Variants in INPP4B observed in about 807,000 individuals in gnomAD.
The protein encoded by INPP4B is inositol polyphosphate 4-phosphatase type II.
In INPP4B, 55 loss-of-function variants were observed where a neutral mutation model predicts 122.5. The ratio of observed to expected loss-of-function variants is 0.45; its 90% confidence interval spans 0.36 to 0.56. The LOEUF (loss-of-function observed/expected upper bound fraction) is 0.56, where lower values mean the gene tolerates loss of function less well. Ranked by LOEUF, INPP4B falls within the 20% of genes least tolerant of loss-of-function variation. INPP4B has a pLI of 0.00. For synonymous variants in INPP4B, 403 were observed against 388.7 expected, an observed-to-expected ratio of 1.04 and a Z score of -0.43; for missense variants, 1,000 against 1,097.7, an observed-to-expected ratio of 0.91 and a Z score of 1.26.
At chr4:142,447,912 C>G (rs1813256819) in intron 3 of INPP4B, among the ~76,000 whole-genome samples, 1 of 151,856 alleles carries the variant, frequency 6.6e-6, no homozygotes, top group African/African-American at 2.4e-5. Context: ...GACAAAGAAA[C>G]AAAGAAAACA....
chr4:142,627,259 A>C (rs1219474190), intron 2 of INPP4B, among the ~76,000 whole-genome samples: 3 of 151,480 alleles, frequency 2.0e-5, no homozygotes, highest in African/African-American at 7.3e-5. Context: ...TCTCCTGCCT[A>C]ATTGCCCTGG....
At chr4:142,644,900 C>G (rs1329689666) in intron 2 of INPP4B, among the ~76,000 whole-genome samples, 1 of 112,340 alleles carries the variant, frequency 8.9e-6, no homozygotes, top group Non-Finnish European at 1.8e-5. Context: ...AGCAAGACTC[C>G]ATCTCAAAAA....
At chr4:142,735,448 G>A (rs1766717573) in intron 1 of INPP4B, among the ~76,000 whole-genome samples, 1 of 151,938 alleles carries the variant, frequency 6.6e-6, no homozygotes, top group Non-Finnish European at 1.5e-5. Flanking sequence ...CAGAAACCAG[G>A]CATTGTTCTA....
At chr4:142,730,793 A>G (rs1409273504) in intron 1 of INPP4B, among the ~76,000 whole-genome samples, 1 of 152,134 alleles carries the variant, frequency 6.6e-6, no homozygotes, top group Non-Finnish European at 1.5e-5. Flanking sequence ...AAACTCAATG[A>G]TCAGCATATA....
In INPP4B at chr4:142,759,726, C is replaced by T. The variant is rs116404043; in HGVS notation, c.-253-33825G>A. Reference sequence around the variant, plus strand: ...TGAATCAATAAATGAATGGAGCAAACATACTATGCCACAAAGAAGTTAAGT... The same window carrying T: ...TGAATCAATAAATGAATGGAGCAAATATACTATGCCACAAAGAAGTTAAGT... On this transcript the variant is annotated intron_variant, in intron 1 of 25. Coordinates refer to ENST00000262992, the MANE Select transcript of INPP4B (RefSeq NM_001101669.3). Among the ~76,000 whole-genome samples the T allele has an allele frequency of 8.8e-3, 1,262 of 143,058 alleles. 24 individuals are homozygous for T. The highest frequency in any genetic ancestry group is 0.031 in the African/African-American group (1,200 of 38,588). The allele number at this position is 143,058 out of a possible 152,430, so 93.9% of individuals were successfully genotyped here.
chr4:142,545,789 ATG>A lies in INPP4B; in HGVS notation c.-190-83065_-190-83064del, dbSNP rs1422608533. Among the ~76,000 whole-genome samples, 48 of 105,656 alleles carry A rather than the reference ATG, an allele frequency of 4.5e-4. 1 individual carries two copies. Among genetic ancestry groups the A allele is most frequent in the Admixed American group, 1.3e-3 (11 of 8,324 alleles). 69.3% of individuals were successfully genotyped at this position (105,656 alleles called of 152,430 possible). A position where few individuals can be genotyped will look rare whatever the true frequency, so the allele number is the denominator to read the frequency against. ...TGTGTGTATATATATACACATATAT[ATG>A]TGTGTATATATATACACATATACAT... On this transcript the variant is annotated intron_variant, in intron 2 of 25. Coordinates refer to ENST00000262992, the MANE Select transcript of INPP4B (RefSeq NM_001101669.3).
chr4:142,619,382 C>T (rs531332642), intron 2 of INPP4B, among the ~76,000 whole-genome samples: 3 of 152,054 alleles, frequency 2.0e-5, no homozygotes, highest in Non-Finnish European at 2.9e-5. Flanking sequence ...ATGGTATATA[C>T]ATACAATGGA....
intron 25 of INPP4B, among the ~76,000 whole-genome samples, chr4:142,058,025 C>T (rs1235522919): frequency 1.3e-5 from 2 of 151,966 alleles, no homozygotes; most frequent in Non-Finnish European, 2.9e-5. Flanking sequence ...CCTACTATAC[C>T]GGAGTTAGCT....
chr4:142,694,604 G>A (rs1333805919), intron 2 of INPP4B, among the ~76,000 whole-genome samples: 1 of 152,078 alleles, frequency 6.6e-6, no homozygotes, highest in South Asian at 2.1e-4. Flanking sequence ...TTTTAGAATT[G>A]TTTAACTTGT....
chr4:142,555,634 C>T (rs944493406), intron 2 of INPP4B, among the ~76,000 whole-genome samples: 4 of 151,828 alleles, frequency 2.6e-5, no homozygotes, highest in African/African-American at 7.3e-5. Flanking sequence ...TTTGGGAGGC[C>T]GAGGCGGGTG....
chr4:142,464,841 A>G (rs1198283524), intron 2 of INPP4B, among the ~76,000 whole-genome samples: 1 of 152,186 alleles, frequency 6.6e-6, no homozygotes, highest in Non-Finnish European at 1.5e-5. Flanking sequence ...CTTGAACAAA[A>G]TCATAATTTA....
At chr4:142,545,369 C>T (rs1175954876) in intron 2 of INPP4B, among the ~76,000 whole-genome samples, 1 of 151,976 alleles carries the variant, frequency 6.6e-6, no homozygotes, top group African/African-American at 2.4e-5. Context: ...CTATCATACC[C>T]ATTGTACAGA....
intron 1 of INPP4B, among the ~76,000 whole-genome samples, chr4:142,817,332 A>AG (rs1561103397): frequency 6.6e-6 from 1 of 152,172 alleles, no homozygotes; most frequent in Admixed American, 6.5e-5. Context: ...GTGTGAAATA[A>AG]AATTATCAGT....
At chr4:142,089,468 CACACACACACACAG>C (rs761551668) in intron 23 of INPP4B, among the ~76,000 whole-genome samples, 2,684 of 112,212 alleles carry the variant, frequency 0.024, 36 homozygotes, top group Non-Finnish European at 0.033. Context: ...CACACACACA[CACACACACACACAG>C]AGAGAGAGAG....
At chr4:142,529,345 A>G (rs1827311531) in intron 2 of INPP4B, among the ~76,000 whole-genome samples, 1 of 152,166 alleles carries the variant, frequency 6.6e-6, no homozygotes, top group African/African-American at 2.4e-5. Flanking sequence ...ATTTTCAACT[A>G]TATGAAGCTA....
chr4:142,268,448 C>T (rs151079699), intron 10 of INPP4B, among the ~76,000 whole-genome samples: 1,693 of 149,932 alleles, frequency 0.011, 14 homozygotes, highest in Non-Finnish European at 0.017. Context: ...GAAAACAATA[C>T]GGAGGCTCCT....
intron 8 of INPP4B, among the ~76,000 whole-genome samples, chr4:142,306,734 C>T (rs1321742159): frequency 6.6e-6 from 1 of 152,096 alleles, no homozygotes; most frequent in Non-Finnish European, 1.5e-5. Context: ...GTCGTGGTGG[C>T]TCACGCCTGT....
Position 142,256,689 on chromosome 4 carries a change from G to T in INPP4B, c.688+3803C>A, listed in dbSNP as rs896195495. The stretch of plus-strand genomic sequence containing the variant: ...GAATCTCTGAATAGACCAATAACAG[G>T]CTCTGAAATTGTGGCAATAATCAAT... On this transcript the variant is annotated intron_variant, in intron 11 of 25. Coordinates refer to ENST00000262992, the MANE Select transcript of INPP4B (RefSeq NM_001101669.3). Among the ~76,000 whole-genome samples, 5 of 152,252 alleles carry T rather than the reference G, an allele frequency of 3.3e-5. No individual in the cohort carries two copies. The South Asian group carries it at 1.0e-3, about 32-fold the overall frequency.
intron 7 of INPP4B, among the ~76,000 whole-genome samples, chr4:142,375,229 A>C (rs994883136): frequency 6.6e-6 from 1 of 151,648 alleles, no homozygotes; most frequent in African/African-American, 2.4e-5. Flanking sequence ...TTTGTCTTAA[A>C]ATTCTTCCAT....
Sources: gnomAD v4.1 joint callset for allele counts (sites outside exome capture counted in the v4.1 genomes callset) on GRCh38, gnomAD v4.1.1 for gene constraint, MANE v1.5 for transcripts, NCBI Gene and HGNC (gene_info 2026-07-23, HGNC 2026-07-21) for gene names.